The following CMAS variants were observed in gnomAD, a reference collection of about 807,000 sequenced individuals.
CMAS encodes N-acylneuraminate cytidylyltransferase.
A neutral mutation model predicts 53.4 loss-of-function variants in CMAS; 21 were observed. That is an observed-to-expected ratio of 0.39 (90% CI 0.28 to 0.57). The LOEUF (loss-of-function observed/expected upper bound fraction) is 0.57. Ranked by LOEUF, CMAS falls within the 20% of genes least tolerant of loss-of-function variation. The probability of loss-of-function intolerance (pLI) is 0.56; values close to 1 mark genes in which losing one functional copy is unlikely to be tolerated. For synonymous variants in CMAS, 189 were observed against 195.2 expected, an observed-to-expected ratio of 0.97 and a Z score of 0.27; for missense variants, 384 against 534.9, an observed-to-expected ratio of 0.72 and a Z score of 2.78.
intron 5 of CMAS, 128 bp downstream of exon 5, chr12:22,061,054 T>C (rs1249707823): frequency 5.6e-6 from 4 of 714,196 alleles, no homozygotes; most frequent in Non-Finnish European, 9.5e-6. Flanking sequence ...GGAAGACATG[T>C]AAAATATGTG....
At chr12:22,064,333 T>G (rs961189181) in intron 7 of CMAS, among the ~76,000 whole-genome samples, 2 of 152,150 alleles carry the variant, frequency 1.3e-5, no homozygotes, top group African/African-American at 2.4e-5. Context: ...CAGTATGATT[T>G]AGTATCTATT....
In CMAS at chr12:22,046,328, G is replaced by A. The variant is rs758472250; in HGVS notation, c.25G>A (p.Ala9Thr). Residue 9 changes from alanine to threonine, a missense_variant, in exon 1 of 8, where the codon GCC becomes ACC. Ala to Thr is a moderately conservative substitution (Grantham distance 58). Coordinates refer to ENST00000229329, the MANE Select transcript of CMAS (RefSeq NM_018686.6). MDSVEKGAATSVSNPRGRP... is the reference protein window; with the variant it reads MDSVEKGATTSVSNPRGRP... ...GATGGACTCGGTGGAGAAGGGGGCC[G>A]CCACCTCCGTCTCCAACCCGCGGGG... 2.7e-6 allele frequency: 4 copies of A among 1,491,146 alleles called. No individual in the cohort carries two copies. The highest frequency in any genetic ancestry group is 2.4e-5 in the Admixed American group (1 of 41,958). The allele number at this position is 1,491,146 out of a possible 1,614,324, so 92.4% of individuals were successfully genotyped here.
At position 22,061,344 on chromosome 12, in the gene CMAS, A is replaced by C; in HGVS notation, c.852A>C (p.Gly284=). The C allele has an allele frequency of 6.2e-7, 1 of 1,611,026 alleles. No homozygotes were observed. The highest frequency in any genetic ancestry group is 8.5e-7 in the Non-Finnish European group (1 of 1,178,050). ...EIKLLVCNID[G]CLTNGHIYVS... ...AACTTTTGGTTTGCAATATTGATGG[A>C]TGTCTCACCAATGGCCACATTTATG... Residue 284 remains glycine, a synonymous_variant, in exon 6 of 8, where the codon GGA becomes GGC. Coordinates refer to ENST00000229329, the MANE Select transcript of CMAS (RefSeq NM_018686.6).
At position 22,055,152 on chromosome 12, in the gene CMAS, A is replaced by G; in HGVS notation, c.264A>G (p.Val88=). 3 of 1,611,232 alleles carry G rather than the reference A, an allele frequency of 1.9e-6. No individual in the cohort carries two copies. Among genetic ancestry groups the G allele is most frequent in the East Asian group, 2.2e-5 (1 of 44,758 alleles). ...ATTTCTTTTGATATCTGAACAGTGT[A>G]TGGGTTTCGACAGACCATGATGAAA... ...AALDSGAFQS[V]WVSTDHDEIE... is the part of the protein sequence containing the mutation. The change falls in exon 2 of 8, where the codon GTA becomes GTG. Residue 88 remains valine (V), a synonymous_variant. Coordinates refer to ENST00000229329, the MANE Select transcript of CMAS (RefSeq NM_018686.6).
chr12:22,046,405 C>T lies in CMAS; in HGVS notation c.102C>T (p.Gly34=), dbSNP rs763006331. 3 of 1,592,608 alleles carry T rather than the reference C, an allele frequency of 1.9e-6. No homozygotes were observed. Among genetic ancestry groups the T allele is most frequent in the South Asian group, 2.3e-5 (2 of 87,242 alleles). The stretch of plus-strand genomic sequence containing the variant: ...AGCTGCAGCGCAACTCTCGCGGCGG[C>T]CAGGGCCGAGGTGTGGAGAAGCCCC... The part of the protein sequence containing the change: ...PPKLQRNSRG[G]QGRGVEKPPH... The change falls in exon 1 of 8, where the codon GGC becomes GGT. Residue 34 remains glycine, a synonymous_variant. Transcript: ENST00000229329.
At chr12:22,053,950 A>G (rs1388503852) in intron 1 of CMAS, among the ~76,000 whole-genome samples, 2 of 149,126 alleles carry the variant, frequency 1.3e-5, no homozygotes, top group East Asian at 4.1e-4. Flanking sequence ...TTTTTGAGAC[A>G]GGGTCTCGCT....
At chr12:22,057,897 G>A (rs1021156696) in intron 3 of CMAS, among the ~76,000 whole-genome samples, 7 of 150,194 alleles carry the variant, frequency 4.7e-5, no homozygotes, top group African/African-American at 1.5e-4. Flanking sequence ...GCGCAATCTC[G>A]GCTCACTGCA....
rs79106102 is a variant in CMAS, at chr12:22,047,737, C to A, written c.260+1174C>A. ...TTTTGTTCAATTCAGTAGCTATTTA[C>A]TGAGCCCTAATTTCTGCTATACATG... On this transcript the variant is annotated intron_variant, in intron 1 of 7. Transcript: ENST00000229329. Among the ~76,000 whole-genome samples, 104 of 152,268 alleles carry A rather than the reference C, an allele frequency of 6.8e-4. 1 individual carries two copies. In the East Asian group the frequency reaches 0.017, roughly 24 times the overall value.
At chr12:22,053,946 A>T (rs1181569331) in intron 1 of CMAS, among the ~76,000 whole-genome samples, 1 of 145,516 alleles carries the variant, frequency 6.9e-6, no homozygotes, top group African/African-American at 2.5e-5. Context: ...TTTTTTTTTG[A>T]GACAGGGTCT....
At chr12:22,048,314 C>A (rs557641512) in intron 1 of CMAS, among the ~76,000 whole-genome samples, 1 of 152,082 alleles carries the variant, frequency 6.6e-6, no homozygotes, top group Non-Finnish European at 1.5e-5. Flanking sequence ...CACTTTGTTG[C>A]CAGAATCCTC....
At chr12:22,054,920 TC>T (rs1950258372) in intron 1 of CMAS, among the ~76,000 whole-genome samples, 1 of 152,094 alleles carries the variant, frequency 6.6e-6, no homozygotes, top group Non-Finnish European at 1.5e-5. Context: ...GTTGTTCCTT[TC>T]TTTATATAAA....
In CMAS at chr12:22,046,430, C is replaced by T; in HGVS notation, c.127C>T (p.Pro43Ser). Residue 43 changes from proline (P) to serine (S), a missense_variant, in exon 1 of 8, where the codon CCG becomes TCG. This residue lies in a region of CMAS where 111 missense variants were observed against 132.2 expected (regional missense o/e 0.84). Coordinates refer to ENST00000229329, the MANE Select transcript of CMAS (RefSeq NM_018686.6). ...GGQGRGVEKP[P>S]HLAALILARG... ...CCAGGGCCGAGGTGTGGAGAAGCCC[C>T]CGCACCTGGCAGCCCTAATTCTGGC... is the stretch of plus-strand genomic sequence containing the variant. The T allele has an allele frequency of 6.2e-7, 1 of 1,607,954 alleles. No individual in the cohort carries two copies. Among genetic ancestry groups the T allele is most frequent in the Non-Finnish European group, 8.5e-7 (1 of 1,177,920 alleles).
chr12:22,051,092 AT>A (rs1950237817), intron 1 of CMAS, among the ~76,000 whole-genome samples: 1 of 152,190 alleles, frequency 6.6e-6, no homozygotes, highest in South Asian at 2.1e-4. Flanking sequence ...CAAAACCACG[AT>A]TTGACTTAAT....
At chr12:22,048,429 G>C (rs1310008116) in intron 1 of CMAS, among the ~76,000 whole-genome samples, 1 of 152,044 alleles carries the variant, frequency 6.6e-6, no homozygotes, top group Admixed American at 6.6e-5. Flanking sequence ...TCTGCTCCAA[G>C]AGACTTGACC....
intron 1 of CMAS, among the ~76,000 whole-genome samples, chr12:22,049,143 A>G (rs1950224415): frequency 6.6e-6 from 1 of 152,212 alleles, no homozygotes; most frequent in African/African-American, 2.4e-5. Flanking sequence ...TCGAAGTTTC[A>G]TTGTGCCTCA....
rs1014742286 is a variant in CMAS at position 22,059,355 on chromosome 12, G to A, written c.693+655G>A. Among the ~76,000 whole-genome samples the A allele has an allele frequency of 4.6e-5, 7 of 151,712 alleles. No homozygotes were observed. The South Asian group carries it at 6.3e-4, about 14-fold the overall frequency. Reference sequence around the variant, plus strand: ...TTATTTATTATTTACTGTGTACTTCGGAGTAGGTGAAACACTTTGCATATG... The same window carrying A: ...TTATTTATTATTTACTGTGTACTTCAGAGTAGGTGAAACACTTTGCATATG... On this transcript the variant is annotated intron_variant, in intron 4 of 7. Coordinates refer to ENST00000229329, the MANE Select transcript of CMAS (RefSeq NM_018686.6).
intron 3 of CMAS, among the ~76,000 whole-genome samples, chr12:22,057,827 C>CT (rs749650668): frequency 0.027 from 3,817 of 139,962 alleles, 153 homozygotes; most frequent in African/African-American, 0.088. Context: ...TAAAAAAGTT[C>CT]TTTTTTTTTT....
Position 22,055,516 on chromosome 12 carries a change from A to G in CMAS, c.465A>G (p.Gln155=), listed in dbSNP as rs368408293. The change falls in exon 3 of 8, where the codon CAA becomes CAG. Residue 155 remains glutamine (Q), a synonymous_variant. Transcript: ENST00000229329. The part of the protein sequence containing the change: ...TSPCLHPTDL[Q]KVAEMIREEG... ...CATGTTTACATCCTACTGATCTTCA[A>G]AAAGTTGCAGAAATGATTCGAGAAG... 3.9e-5 allele frequency: 63 copies of G among 1,612,524 alleles called. No homozygotes were observed. The highest frequency in any genetic ancestry group is 5.0e-5 in the Admixed American group (3 of 59,788).
intron 1 of CMAS, 54 bp downstream of exon 1, chr12:22,046,617 G>A (rs1259297803): frequency 1.5e-5 from 22 of 1,459,466 alleles, no homozygotes; most frequent in Non-Finnish European, 2.0e-5. Flanking sequence ...GGGAGAGGGA[G>A]TCGGGCTGCT....
Sources: gnomAD v4.1 joint callset for allele counts (sites outside exome capture counted in the v4.1 genomes callset) on GRCh38, gnomAD v4.1.1 for gene constraint, gnomAD v4.1.1 regional missense constraint, MANE v1.5 for transcripts, NCBI Gene and HGNC (gene_info 2026-07-23, HGNC 2026-07-21) for gene names.